PARP8: variants seen among roughly 807,000 people sequenced by gnomAD.
PARP8 encodes the protein protein mono-ADP-ribosyltransferase PARP8.
A neutral mutation model predicts 124.1 loss-of-function variants in PARP8; 51 were observed. The observed-to-expected ratio is 0.41, with a 90% CI of 0.33 to 0.52. The LOEUF (loss-of-function observed/expected upper bound fraction) is 0.52, where lower values mean the gene tolerates loss of function less well. PARP8 is among the 20% of genes least tolerant of loss of function. The probability of loss-of-function intolerance (pLI) is 0.21; values close to 1 mark genes in which losing one functional copy is unlikely to be tolerated. For synonymous variants in PARP8, 391 were observed against 361.5 expected, an observed-to-expected ratio of 1.08 and a Z score of -0.93; for missense variants, 860 against 1,018.9, an observed-to-expected ratio of 0.84 and a Z score of 2.12.
intron 2 of PARP8, among the ~76,000 whole-genome samples, chr5:50,747,276 C>T (rs1758692052): frequency 6.7e-6 from 1 of 149,140 alleles, no homozygotes; most frequent in South Asian, 2.1e-4. Context: ...ACTCAAATGT[C>T]ATAAGGGCAA....
chr5:50,814,980 T>TG (rs1437711995), intron 14 of PARP8, among the ~76,000 whole-genome samples: 1 of 152,130 alleles, frequency 6.6e-6, no homozygotes, highest in African/African-American at 2.4e-5. Flanking sequence ...GCTATTTTTT[T>TG]TTTGTTTTTT....
intron 2 of PARP8, among the ~76,000 whole-genome samples, chr5:50,690,380 T>G (rs1752366886): frequency 6.6e-6 from 1 of 152,170 alleles, no homozygotes; most frequent in African/African-American, 2.4e-5. Context: ...AGATCCCTAG[T>G]GCTGCTTTAT....
intron 2 of PARP8, among the ~76,000 whole-genome samples, chr5:50,746,184 ATC>A (rs1758522562): frequency 6.6e-6 from 1 of 152,160 alleles, no homozygotes; most frequent in South Asian, 2.1e-4. Context: ...ATGCTTCATA[ATC>A]TCTGATTCCA....
At chr5:50,755,740 G>C (rs1439699378) in intron 3 of PARP8, among the ~76,000 whole-genome samples, 2 of 152,066 alleles carry the variant, frequency 1.3e-5, no homozygotes, top group African/African-American at 4.8e-5. Flanking sequence ...AGCTTGATGG[G>C]GATGGCATTC....
chr5:50,746,456 TACATA>T (rs1758551816), intron 2 of PARP8, among the ~76,000 whole-genome samples: 1 of 152,198 alleles, frequency 6.6e-6, no homozygotes, highest in African/African-American at 2.4e-5. Context: ...CTACTGTAGG[TACATA>T]ACATGTAAGC....
intron 7 of PARP8, among the ~76,000 whole-genome samples, chr5:50,766,151 A>G (rs1761037583): frequency 6.6e-6 from 1 of 152,194 alleles, no homozygotes; most frequent in African/African-American, 2.4e-5. Context: ...GTGATGATAG[A>G]TATATTACTT....
intron 2 of PARP8, among the ~76,000 whole-genome samples, chr5:50,671,567 T>C (rs1750022108): frequency 6.6e-6 from 1 of 151,640 alleles, no homozygotes; most frequent in Non-Finnish European, 1.5e-5. Flanking sequence ...AAGTAAAAAA[T>C]ACATGACTTC....
intron 16 of PARP8, among the ~76,000 whole-genome samples, chr5:50,821,884 T>C (rs1222343038): frequency 1.3e-5 from 2 of 152,250 alleles, no homozygotes; most frequent in Non-Finnish European, 2.9e-5. Context: ...GAAAATGAAT[T>C]GTCAGCTATG....
At chr5:50,817,291 T>C (rs1300021213) in intron 15 of PARP8, among the ~76,000 whole-genome samples, 1 of 152,234 alleles carries the variant, frequency 6.6e-6, no homozygotes, top group Admixed American at 6.5e-5. Context: ...AATTTAGTGA[T>C]GTAATTCTAA....
intron 2 of PARP8, among the ~76,000 whole-genome samples, chr5:50,692,634 G>T (rs2149462938): frequency 6.6e-6 from 1 of 152,130 alleles, no homozygotes; most frequent in South Asian, 2.1e-4. Flanking sequence ...AACCCTACCT[G>T]TGAGAATTCT....
intron 2 of PARP8, among the ~76,000 whole-genome samples, chr5:50,714,512 C>G (rs190112173): frequency 1.0e-3 from 159 of 152,158 alleles, no homozygotes; most frequent in African/African-American, 3.8e-3. Flanking sequence ...CCTATCAACC[C>G]GTCATCTAGG....
Position 50,747,761 on chromosome 5 carries a change from CTTTTTTTTT to C in PARP8, c.147-2369_147-2361del, listed in dbSNP as rs70972943. ...TCTCTCAAAGATAGGATAGACCTTG[CTTTTTTTTT>C]TTTTTTTTTTTTTTTTTTTTGAGAC... On this transcript the variant is annotated intron_variant, in intron 2 of 25. Transcript: ENST00000281631. Among the ~76,000 whole-genome samples the C allele has an allele frequency of 1.7e-4, 9 of 52,930 alleles. No homozygotes were observed. The South Asian group carries it at 6.9e-3, about 41-fold the overall frequency. The allele number at this position is 52,930 out of a possible 152,430, so 34.7% of individuals were successfully genotyped here.
chr5:50,772,125 C>G (rs1346803052), intron 7 of PARP8, among the ~76,000 whole-genome samples: 1 of 152,176 alleles, frequency 6.6e-6, no homozygotes, highest in African/African-American at 2.4e-5. Flanking sequence ...TCCTGGCTTA[C>G]TTTACTTAAG....
At chr5:50,835,199 G>C (rs556427124) in intron 25 of PARP8, among the ~76,000 whole-genome samples, 184 bp downstream of exon 25, 1 of 152,100 alleles carries the variant, frequency 6.6e-6, no homozygotes. Context: ...TTTAAATGCT[G>C]TTAACTTAGA....
chr5:50,693,739 C>G (rs1307656134), intron 2 of PARP8, among the ~76,000 whole-genome samples: 9 of 151,086 alleles, frequency 6.0e-5, no homozygotes, highest in Non-Finnish European at 1.3e-4. Flanking sequence ...ATAATCACAT[C>G]ATATAAATTA....
chr5:50,684,318 A>G (rs1295608824), intron 2 of PARP8, among the ~76,000 whole-genome samples: 1 of 152,142 alleles, frequency 6.6e-6, no homozygotes, highest in Non-Finnish European at 1.5e-5. Context: ...TGGTCCTGAA[A>G]TCAGTAGCCT....
intron 9 of PARP8, among the ~76,000 whole-genome samples, chr5:50,780,697 A>G (rs1418718801): frequency 6.6e-6 from 1 of 152,148 alleles, no homozygotes; most frequent in South Asian, 2.1e-4. Context: ...CAATTTGGAA[A>G]CCAAGGAAAC....
chr5:50,801,779 C>T (rs1270238633), intron 14 of PARP8, among the ~76,000 whole-genome samples: 1 of 152,010 alleles, frequency 6.6e-6, no homozygotes, highest in Non-Finnish European at 1.5e-5. Context: ...ATATTTGATT[C>T]ATGTATTTTG....
chr5:50,774,325 A>G (rs576907584), intron 7 of PARP8, among the ~76,000 whole-genome samples: 22 of 151,038 alleles, frequency 1.5e-4, no homozygotes, highest in Non-Finnish European at 3.1e-4. Flanking sequence ...CATCGTCATC[A>G]TGGCCCGTTC....
Sources: gnomAD v4.1 joint callset for allele counts (sites outside exome capture counted in the v4.1 genomes callset) on GRCh38, gnomAD v4.1.1 for gene constraint, MANE v1.5 for transcripts, NCBI Gene and HGNC (gene_info 2026-07-23, HGNC 2026-07-21) for gene names.